DRG1: variants seen among roughly 807,000 people sequenced by gnomAD.
DRG1 encodes developmentally-regulated GTP-binding protein 1.
DRG1 carries 19 observed loss-of-function variants against 38.8 expected under a neutral mutation model. That is an observed-to-expected ratio of 0.49 (90% CI 0.34 to 0.72). The LOEUF is 0.72. Ranked by LOEUF, DRG1 falls within the 30% of genes least tolerant of loss-of-function variation. The pLI is 0.01. For synonymous variants in DRG1, 167 were observed against 157.5 expected, an observed-to-expected ratio of 1.06 and a Z score of -0.45; for missense variants, 299 against 444.8, an observed-to-expected ratio of 0.67 and a Z score of 2.95.
intron 5 of DRG1, 139 bp downstream of exon 5, chr22:31,420,564 A>C: frequency 1.9e-6 from 2 of 1,076,680 alleles, no homozygotes; most frequent in Admixed American, 3.0e-5. Flanking sequence ...CTTTATAATG[A>C]CTGACAAGAA....
intron 1 of DRG1, among the ~76,000 whole-genome samples, chr22:31,399,950 C>A (rs975581832): frequency 6.6e-6 from 1 of 152,110 alleles, no homozygotes; most frequent in African/African-American, 2.4e-5. Flanking sequence ...CTCGGACTCC[C>A]CTTTGCCCGG....
At chr22:31,430,490 C>T (rs2145872416) in intron 8 of DRG1, among the ~76,000 whole-genome samples, 1 of 151,748 alleles carries the variant, frequency 6.6e-6, no homozygotes, top group South Asian at 2.1e-4. Context: ...AGCTCTGCTT[C>T]CCGGGTTCAC....
At chr22:31,421,296 T>C in intron 5 of DRG1, 1 of 149,564 alleles carries the variant, frequency 6.7e-6, no homozygotes, top group South Asian at 2.3e-4. Context: ...TTTTTTTTTT[T>C]TTTTTTGGTA....
At chr22:31,429,846 A>G (rs2050129894) in intron 8 of DRG1, among the ~76,000 whole-genome samples, 1 of 151,920 alleles carries the variant, frequency 6.6e-6, no homozygotes, top group South Asian at 2.1e-4. Flanking sequence ...ACAAGGTCCG[A>G]CTTGTGTTGC....
At chr22:31,424,865 C>T (rs1011237470) in intron 6 of DRG1, among the ~76,000 whole-genome samples, 7 of 131,014 alleles carry the variant, frequency 5.3e-5, no homozygotes, top group East Asian at 2.4e-4. Flanking sequence ...TGCAGTGGCA[C>T]GATTTCAGCT....
chr22:31,430,646 G>T (rs1284931462), intron 8 of DRG1, among the ~76,000 whole-genome samples: 1 of 151,688 alleles, frequency 6.6e-6, no homozygotes, highest in Non-Finnish European at 1.5e-5. Flanking sequence ...TGATCCGCCC[G>T]CCTCGGCCTC....
intron 8 of DRG1, among the ~76,000 whole-genome samples, chr22:31,427,763 C>T (rs1387529857): frequency 6.6e-5 from 10 of 152,016 alleles, no homozygotes; most frequent in African/African-American, 9.7e-5. Context: ...GAGACAGTCT[C>T]GCTTTTGTTG....
chr22:31,429,245 A>G (rs1360070208), intron 8 of DRG1, among the ~76,000 whole-genome samples: 1 of 151,942 alleles, frequency 6.6e-6, no homozygotes, highest in African/African-American at 2.4e-5. Flanking sequence ...CAGCCTCCTG[A>G]GTAGCTGGTA....
Position 31,411,067 on chromosome 22 carries a change from G to A in DRG1, c.398G>A (p.Arg133His), listed in dbSNP as rs1319238606. 3.1e-6 allele frequency: 5 copies of A among 1,613,582 alleles called. No homozygotes were observed. The highest frequency in any genetic ancestry group is 1.1e-5 in the South Asian group (1 of 91,072). Residue 133 changes from arginine (R) to histidine (H), a missense_variant, in exon 4 of 9, where the codon CGT (arginine) becomes CAT (histidine). By Grantham distance (29) the Arg-to-His change is conservative. Coordinates refer to ENST00000331457, the MANE Select transcript of DRG1 (RefSeq NM_004147.4). ...EGAKDGKGRG[R>H]QVIAVARTCN... The stretch of plus-strand genomic sequence containing the variant: ...GCCAAGGATGGGAAAGGTAGAGGTC[G>A]TCAAGTCATTGCAGGTGAGTGGTTT...
intron 5 of DRG1, among the ~76,000 whole-genome samples, chr22:31,420,979 T>A (rs550121928): frequency 5.3e-5 from 8 of 152,180 alleles, no homozygotes; most frequent in Non-Finnish European, 8.8e-5. Context: ...TTTACTGAGG[T>A]GACATGAAGG....
chr22:31,421,986 G>A lies in DRG1; in HGVS notation c.583-1294G>A, dbSNP rs552141895. 5.9e-5 allele frequency among the ~76,000 whole-genome samples: 9 copies of A among 151,942 alleles called. No individual in the cohort carries two copies. The East Asian group carries it at 9.7e-4, about 16-fold the overall frequency. On this transcript the variant is annotated intron_variant, in intron 5 of 8. Coordinates refer to ENST00000331457, the MANE Select transcript of DRG1 (RefSeq NM_004147.4). ...AAAAATTAGCCGGGCATGGTGGCACGCACTTGTAATCTCAGCTACTCGGGA... is the reference window on the plus strand; with the variant it reads ...AAAAATTAGCCGGGCATGGTGGCACACACTTGTAATCTCAGCTACTCGGGA...
At position 31,420,369 on chromosome 22, in the gene DRG1, C is replaced by G. The variant is rs755430359; in HGVS notation, c.526C>G (p.Pro176Ala). ...EGFGIRLNSK[P>A]PNIGFKKKDK... is the part of the protein sequence containing the mutation. ...CTTTGGCATTCGCTTGAACAGCAAA[C>G]CCCCCAACATTGGCTTTAAGAAGAA... Residue 176 changes from proline to alanine, a missense_variant, in exon 5 of 9, where the codon CCC (proline) becomes GCC (alanine). Coordinates refer to ENST00000331457, the MANE Select transcript of DRG1 (RefSeq NM_004147.4). 6.2e-7 allele frequency: 1 copy of G among 1,613,934 alleles called. No homozygotes were observed. The highest frequency in any genetic ancestry group is 1.7e-5 in the Admixed American group (1 of 59,964).
chr22:31,412,352 C>CTTTTT (rs539328480), intron 4 of DRG1, among the ~76,000 whole-genome samples: 18 of 127,270 alleles, frequency 1.4e-4, no homozygotes, highest in Admixed American at 2.5e-4. Flanking sequence ...TTCTTTCTTT[C>CTTTTT]TTTTTTTTTT....
At chr22:31,404,130 T>TC (rs1382046964) in intron 3 of DRG1, among the ~76,000 whole-genome samples, 1 of 148,748 alleles carries the variant, frequency 6.7e-6, no homozygotes, top group Admixed American at 6.7e-5. Context: ...GACCCCCAAC[T>TC]TTTTTTTTGC....
intron 3 of DRG1, among the ~76,000 whole-genome samples, chr22:31,405,054 A>G (rs565953784): frequency 1.8e-4 from 28 of 152,216 alleles, no homozygotes; most frequent in Admixed American, 7.9e-4. Context: ...GTTGTTATTG[A>G]ATGTTGAATT....
At chr22:31,417,324 T>C (rs1246504264) in intron 4 of DRG1, among the ~76,000 whole-genome samples, 1 of 151,548 alleles carries the variant, frequency 6.6e-6, no homozygotes, top group East Asian at 1.9e-4. Context: ...TGAGCCGAGA[T>C]TGCACCACTG....
At chr22:31,422,096 C>T (rs571742699) in intron 5 of DRG1, among the ~76,000 whole-genome samples, 9 of 141,694 alleles carry the variant, frequency 6.4e-5, no homozygotes, top group East Asian at 2.2e-4. Context: ...GGTGACAGAG[C>T]GGGACTCCGT....
intron 4 of DRG1, among the ~76,000 whole-genome samples, chr22:31,415,387 T>A (rs914331453): frequency 7.9e-5 from 12 of 152,246 alleles, no homozygotes; most frequent in Non-Finnish European, 1.6e-4. Context: ...TAATTCCTTG[T>A]CATCTTTAGA....
At chr22:31,409,717 G>A (rs927579331) in intron 3 of DRG1, among the ~76,000 whole-genome samples, 2 of 152,068 alleles carry the variant, frequency 1.3e-5, no homozygotes, top group African/African-American at 2.4e-5. Context: ...GAATTGGCTG[G>A]GCATGGTGGC....
Sources: gnomAD v4.1 joint callset for allele counts (sites outside exome capture counted in the v4.1 genomes callset) on GRCh38, gnomAD v4.1.1 for gene constraint, MANE v1.5 for transcripts, NCBI Gene and HGNC (gene_info 2026-07-23, HGNC 2026-07-21) for gene names.